BLTP1: variants seen among roughly 807,000 people sequenced by gnomAD.
BLTP1 encodes the protein bridge-like lipid transfer protein family member 1, also known as fragile site-associated protein.
the BLTP1 span, chr4:122,187,927 G>A: frequency 9.8e-4 from 1,548 of 1,582,038 alleles, 21 homozygotes; most frequent in African/African-American, 0.018. Context: ...ACTACCAGCC[G>A]CAAACTCTGT....
the BLTP1 span, chr4:122,154,850 C>T: frequency 1.9e-4 from 74 of 399,484 alleles, 1 homozygote; most frequent in Non-Finnish European, 2.2e-4. Context: ...CCAGCCTGGG[C>T]GACAGAGCGA....
chr4:122,335,397 C>T, the BLTP1 span, among the ~76,000 whole-genome samples: 1 of 151,990 alleles, frequency 6.6e-6, no homozygotes, highest in South Asian at 2.1e-4. Flanking sequence ...TGGAATCTGG[C>T]TACCATAGCA....
At chr4:122,247,587 A>G in the BLTP1 span, 5 of 1,167,924 alleles carry the variant, frequency 4.3e-6, no homozygotes, top group Non-Finnish European at 4.5e-6. Context: ...TATGGCCCCA[A>G]ATTAGGAACT....
the BLTP1 span, chr4:122,270,995 CT>C: frequency 1.3e-6 from 2 of 1,548,514 alleles, no homozygotes; most frequent in African/African-American, 1.4e-5. Context: ...AAACCGTGTC[CT>C]TTTTTTATTT....
At chr4:122,315,234 T>A in the BLTP1 span, among the ~76,000 whole-genome samples, 3 of 152,040 alleles carry the variant, frequency 2.0e-5, no homozygotes, top group Non-Finnish European at 2.9e-5. Flanking sequence ...CAACTTGGGG[T>A]CAGGGAGTGA....
At chr4:122,288,931 AG>A in the BLTP1 span, 1 of 472,714 alleles carries the variant, frequency 2.1e-6, no homozygotes, top group Non-Finnish European at 2.8e-6. Flanking sequence ...GTAACGTATT[AG>A]GAACGCTGAA....
At chr4:122,230,347 C>T in the BLTP1 span, 3 of 701,242 alleles carry the variant, frequency 4.3e-6, no homozygotes, top group East Asian at 5.3e-5. Flanking sequence ...GCTGCTGCAC[C>T]TCAATGAATA....
chr4:122,240,456 TGAGA>T, the BLTP1 span: 3 of 955,418 alleles, frequency 3.1e-6, no homozygotes, highest in East Asian at 5.2e-5. Flanking sequence ...GCTACCTTTC[TGAGA>T]GAGAGACTTT....
the BLTP1 span, chr4:122,305,800 T>G: frequency 7.2e-7 from 1 of 1,392,710 alleles, no homozygotes. Context: ...TGGTGAACAA[T>G]ACCATTAATA....
At chr4:122,175,843 T>G in the BLTP1 span, 5 of 1,562,762 alleles carry the variant, frequency 3.2e-6, no homozygotes, top group South Asian at 5.7e-5. Flanking sequence ...TAATTTCCCT[T>G]TCTTAGGATT....
the BLTP1 span, chr4:122,162,731 A>G: frequency 3.6e-6 from 3 of 829,146 alleles, no homozygotes; most frequent in Non-Finnish European, 4.2e-6. Flanking sequence ...TATAACAACA[A>G]CAACAAAAAA....
the BLTP1 span, among the ~76,000 whole-genome samples, chr4:122,193,051 A>T: frequency 1.3e-5 from 2 of 152,124 alleles, no homozygotes; most frequent in Non-Finnish European, 2.9e-5. Flanking sequence ...GTTTTCCAGT[A>T]TCTTCATGTG....
the BLTP1 span, chr4:122,336,244 A>G: frequency 2.5e-5 from 40 of 1,611,412 alleles, no homozygotes; most frequent in Middle Eastern, 6.6e-4. Context: ...ATGCCTGGGT[A>G]GCACTTCAGT....
At chr4:122,255,988 A>G in the BLTP1 span, 2 of 897,490 alleles carry the variant, frequency 2.2e-6, no homozygotes, top group African/African-American at 1.8e-5. Flanking sequence ...GTTTGATGAA[A>G]CAGGGACTAA....
the BLTP1 span, chr4:122,344,800 A>T: frequency 1.0e-6 from 1 of 984,976 alleles, no homozygotes; most frequent in Non-Finnish European, 1.2e-6. Flanking sequence ...TAATTAAATC[A>T]GTAAAAGTTG....
At chr4:122,157,070 G>GGAC in the BLTP1 span, among the ~76,000 whole-genome samples, 1 of 152,150 alleles carries the variant, frequency 6.6e-6, no homozygotes, top group Admixed American at 6.5e-5. Context: ...AGGAGGAGGA[G>GGAC]AGTGAGGTGG....
At chr4:122,246,567 C>A in the BLTP1 span, 1 of 1,251,622 alleles carries the variant, frequency 8.0e-7, no homozygotes, top group Non-Finnish European at 1.1e-6. Flanking sequence ...GCTTTGTCTT[C>A]ACTGTCAAAT....
the BLTP1 span, chr4:122,222,959 C>A: frequency 1.1e-6 from 1 of 947,352 alleles, no homozygotes; most frequent in Non-Finnish European, 1.3e-6. Context: ...AGCCCAAGAT[C>A]CACATGTAAT....
chr4:122,201,226 T>TA, the BLTP1 span: 1 of 847,726 alleles, frequency 1.2e-6, no homozygotes, highest in Non-Finnish European at 1.7e-6. Context: ...TATGATATGA[T>TA]TCATATTTTC....
Sources: gnomAD v4.1 joint callset for allele counts (sites outside exome capture counted in the v4.1 genomes callset) on GRCh38, gnomAD v4.1.1 for gene constraint, MANE v1.5 for transcripts, NCBI Gene and HGNC (gene_info 2026-07-23, HGNC 2026-07-21) for gene names.